The following NUP188 variants were observed in gnomAD, a reference collection of about 807,000 sequenced individuals.
NUP188 encodes nucleoporin NUP188.
NUP188 carries 97 observed loss-of-function variants against 223.0 expected under a neutral mutation model. The ratio of observed to expected loss-of-function variants is 0.43; its 90% CI spans 0.37 to 0.51. NUP188 has a LOEUF of 0.51. Among genes scored for constraint, NUP188 ranks in the 20% least tolerant of loss-of-function variants. NUP188 has a pLI of 0.00. For synonymous variants in NUP188, 869 were observed against 828.0 expected, an observed-to-expected ratio of 1.05 and a Z score of -0.85; for missense variants, 1,947 against 2,175.6, an observed-to-expected ratio of 0.89 and a Z score of 2.09.
chr9:128,951,270 G>C (rs915917331), intron 2 of NUP188, among the ~76,000 whole-genome samples: 1 of 144,182 alleles, frequency 6.9e-6, no homozygotes, highest in African/African-American at 2.6e-5. Context: ...TCGCGCAACT[G>C]TACTCCAGCC....
chr9:128,961,790 T>C (rs1302546343), intron 8 of NUP188, among the ~76,000 whole-genome samples: 1 of 151,278 alleles, frequency 6.6e-6, no homozygotes, highest in African/African-American at 2.4e-5. Context: ...CCCGGCTAAT[T>C]TTGTATTTTT....
Position 128,959,294 on chromosome 9 carries a change from G to A in NUP188, c.585+160G>A, listed in dbSNP as rs138409015. ...CCTCAGTGGATTACAGGCACCCGTC[G>A]TCACGCCCAGCCAATTTTTGCATTT... On this transcript the variant is annotated intron_variant, in intron 8 of 43. Transcript: ENST00000372577. Among the ~76,000 whole-genome samples the A allele has an allele frequency of 3.3e-3, 507 of 151,590 alleles. 9 individuals are homozygous for A. The highest frequency in any genetic ancestry group is 4.9e-3 in the East Asian group (25 of 5,118).
chr9:128,954,483 C>T (rs1257968481), intron 3 of NUP188, among the ~76,000 whole-genome samples: 8 of 149,474 alleles, frequency 5.4e-5, no homozygotes, highest in Non-Finnish European at 1.0e-4. Context: ...CTCCCGGGTT[C>T]ACGCCATTCT....
intron 2 of NUP188, among the ~76,000 whole-genome samples, chr9:128,950,569 A>G (rs1841768611): frequency 6.6e-6 from 1 of 152,154 alleles, no homozygotes; most frequent in South Asian, 2.1e-4. Context: ...GGTCAGATGC[A>G]GTGGCTCATG....
Position 128,994,825 on chromosome 9 carries a change from G to T in NUP188, c.3088-31G>T, listed in dbSNP as rs769223193. ...CTGGGGGAGATCAGTGATCAGAGAT[G>T]TGATAATTGCCTGTTCTGCTATCTC... On this transcript the variant is annotated intron_variant, in intron 28 of 43. Transcript: ENST00000372577. The T allele has an allele frequency of 2.5e-6, 4 of 1,575,142 alleles. No individual in the cohort carries two copies. The South Asian group carries it at 4.4e-5, about 17-fold the overall frequency.
intron 8 of NUP188, among the ~76,000 whole-genome samples, chr9:128,966,075 G>A (rs540132996): frequency 1.3e-4 from 20 of 152,030 alleles, no homozygotes; most frequent in African/African-American, 4.1e-4. Flanking sequence ...GATTACAGGC[G>A]TGAACCACCG....
At chr9:128,965,938 C>T (rs1205203641) in intron 8 of NUP188, among the ~76,000 whole-genome samples, 1 of 151,452 alleles carries the variant, frequency 6.6e-6, no homozygotes, top group Non-Finnish European at 1.5e-5. Flanking sequence ...GCTGGGATTA[C>T]AGGCGCCCAC....
At chr9:128,970,142 A>T (rs552250735) in intron 10 of NUP188, among the ~76,000 whole-genome samples, 1 of 152,172 alleles carries the variant, frequency 6.6e-6, no homozygotes, top group East Asian at 1.9e-4. Context: ...TGGCCAGGCT[A>T]GTCTTGAACC....
chr9:128,990,532 C>G (rs919089440), intron 25 of NUP188, among the ~76,000 whole-genome samples: 4 of 152,002 alleles, frequency 2.6e-5, no homozygotes, highest in Admixed American at 6.5e-5. Context: ...TCAAGACCAA[C>G]CTGGCCAAGA....
At chr9:128,948,487 C>T (rs1841724185) in intron 1 of NUP188, 2 of 152,134 alleles carry the variant, frequency 1.3e-5, no homozygotes, top group South Asian at 4.2e-4. Context: ...CCGAGAGGCG[C>T]CTTCTATTTC....
chr9:129,003,963 A>C, intron 38 of NUP188: 7 of 173,336 alleles, frequency 4.0e-5, no homozygotes, highest in Non-Finnish European at 6.9e-5. Context: ...ACAGAGCGAG[A>C]CTCCGTCCCA....
intron 3 of NUP188, 126 bp from the exon 4 acceptor site, chr9:128,956,224 T>TGCGC (rs1841869446): frequency 5.9e-6 from 3 of 507,944 alleles, no homozygotes; most frequent in South Asian, 2.9e-5. Flanking sequence ...TGTGTGTGTT[T>TGCGC]GTGTGTGTGT....
At chr9:128,979,389 C>A in intron 13 of NUP188, 62 bp downstream of exon 13, 1 of 1,275,014 alleles carries the variant, frequency 7.8e-7, no homozygotes, top group Non-Finnish European at 1.1e-6. Flanking sequence ...TGTTTTCTTA[C>A]AGGTTTTGTA....
intron 8 of NUP188, among the ~76,000 whole-genome samples, chr9:128,966,337 C>A (rs527411959): frequency 1.3e-5 from 2 of 151,094 alleles, no homozygotes; most frequent in Non-Finnish European, 2.9e-5. Flanking sequence ...GAGTGAGACT[C>A]TCTGGATTTA....
chr9:128,986,942 A>C, intron 22 of NUP188, 67 bp downstream of exon 22: 2 of 1,406,274 alleles, frequency 1.4e-6, no homozygotes, highest in South Asian at 2.4e-5. Context: ...TGCTGTGCAA[A>C]GCCGTCTCAG....
At chr9:128,982,747 A>T (rs1391691007) in intron 16 of NUP188, 46 bp downstream of exon 16, 1 of 1,606,098 alleles carries the variant, frequency 6.2e-7, no homozygotes, top group East Asian at 2.2e-5. Flanking sequence ...GGAAAAGTGG[A>T]TATGCTTGGA....
chr9:128,969,370 A>G (rs938478281), intron 9 of NUP188, 30 bp from the exon 10 acceptor site: 8 of 1,363,772 alleles, frequency 5.9e-6, no homozygotes, highest in South Asian at 1.2e-5. Context: ...AACGGGATAT[A>G]TAACATGGTG....
At chr9:129,004,937 A>G in intron 38 of NUP188, 1 of 596,422 alleles carries the variant, frequency 1.7e-6, no homozygotes, top group East Asian at 2.8e-5. Context: ...TTTAAGCTGG[A>G]AAGTGGCCAG....
At chr9:128,958,110 G>T in intron 6 of NUP188, 56 bp downstream of exon 6, 1 of 1,427,932 alleles carries the variant, frequency 7.0e-7, no homozygotes, top group South Asian at 1.2e-5. Context: ...ACAGCTTCTT[G>T]ACCTCATTTT....
Sources: allele counts gnomAD v4.1 joint callset (sites outside exome capture counted in the v4.1 genomes callset), GRCh38; gene constraint gnomAD v4.1.1; transcripts MANE v1.5; gene names NCBI Gene and HGNC (gene_info 2026-07-23, HGNC 2026-07-21).